Variants in LRGUK observed in about 807,000 individuals in gnomAD.
The protein encoded by LRGUK is leucine-rich repeat and guanylate kinase domain-containing protein.
Under a neutral mutation model 76.0 loss-of-function variants are expected in LRGUK, and 65 were observed. The observed-to-expected ratio is 0.85, with a 90% CI of 0.70 to 1.05. The LOEUF is 1.05. Among genes scored for constraint, LRGUK ranks in the 50% least tolerant of loss-of-function variants. The pLI, the probability that LRGUK is intolerant of heterozygous loss-of-function variation, is 0.00. For missense variants in LRGUK, 758 were observed against 732.8 expected (o/e 1.03, Z -0.40); for synonymous variants, 268 against 265.6 (o/e 1.01, Z -0.09).
chr7:134,262,492 T>C (rs1441209534), intron 19 of LRGUK, among the ~76,000 whole-genome samples: 1 of 152,222 alleles, frequency 6.6e-6, no homozygotes, highest in African/African-American at 2.4e-5. Flanking sequence ...TATCTAAGGG[T>C]GGATACTCCA....
chr7:134,222,046 C>T, intron 16 of LRGUK, 128 bp downstream of exon 16: 3 of 888,994 alleles, frequency 3.4e-6, no homozygotes, highest in Non-Finnish European at 4.6e-6. Flanking sequence ...CAGCTGAAGA[C>T]AGGATTTTGA....
intron 18 of LRGUK, among the ~76,000 whole-genome samples, chr7:134,256,622 C>A (rs564032260): frequency 6.6e-6 from 1 of 152,272 alleles, no homozygotes; most frequent in East Asian, 1.9e-4. Flanking sequence ...CTTCAGATGT[C>A]ACAACGGTCC....
intron 2 of LRGUK, among the ~76,000 whole-genome samples, chr7:134,138,429 T>C (rs190247738): frequency 1.4e-4 from 21 of 152,292 alleles, no homozygotes; most frequent in African/African-American, 5.1e-4. Flanking sequence ...GTCTTACTTA[T>C]GTTACATGTT....
chr7:134,137,241 G>A (rs564023252), intron 2 of LRGUK, 111 bp downstream of exon 2: 19 of 737,484 alleles, frequency 2.6e-5, no homozygotes, highest in Middle Eastern at 2.7e-4. Flanking sequence ...TTGGAGCCTC[G>A]CATTTGATGG....
chr7:134,209,980 G>A (rs1801181237), exon 16 of LRGUK: 1 of 399,498 alleles, frequency 2.5e-6, no homozygotes, highest in African/African-American at 2.1e-5. Flanking sequence ...GGCCTGCAAA[G>A]GAAAGGAAAG....
chr7:134,178,954 A>G (rs1213137016), intron 10 of LRGUK, among the ~76,000 whole-genome samples: 1 of 150,086 alleles, frequency 6.7e-6, no homozygotes, highest in African/African-American at 2.5e-5. Context: ...AAAAACCAGG[A>G]CCAATTTTTC....
At chr7:134,185,897 C>T (rs1471006525) in intron 11 of LRGUK, among the ~76,000 whole-genome samples, 2 of 151,866 alleles carry the variant, frequency 1.3e-5, no homozygotes, top group Non-Finnish European at 2.9e-5. Flanking sequence ...TTTAGACACC[C>T]GAAGTAACAA....
chr7:134,149,639 TAACA>T (rs1244129481), intron 5 of LRGUK, among the ~76,000 whole-genome samples: 1 of 152,204 alleles, frequency 6.6e-6, no homozygotes, highest in African/African-American at 2.4e-5. Context: ...GATTATAGCC[TAACA>T]GAGAAATCAG....
At chr7:134,141,648 T>C (rs17167482) in intron 3 of LRGUK, 16,573 of 152,164 alleles carry the variant, frequency 0.11, 1,166 homozygotes, top group East Asian at 0.3. Flanking sequence ...TCAAGAAGGA[T>C]CTCCATTTAC....
downstream of LRGUK, among the ~76,000 whole-genome samples, chr7:134,214,142 CACAGAAGAGGAA>C: frequency 6.6e-6 from 1 of 151,866 alleles, no homozygotes; most frequent in South Asian, 2.1e-4. Flanking sequence ...TTGGGAAATT[CACAGAAGAGGAA>C]ATAAAAATGG....
At chr7:134,191,778 T>C (rs1800261601) in intron 12 of LRGUK, 27 bp downstream of exon 12, 2 of 1,454,408 alleles carry the variant, frequency 1.4e-6, no homozygotes, top group East Asian at 2.3e-5. Flanking sequence ...TTGTTTTTAT[T>C]GCACAAGAAA....
In LRGUK at chr7:134,200,075, G is replaced by T. The variant is rs193059493; in HGVS notation, c.1747+654G>T. Among the ~76,000 whole-genome samples the T allele has an allele frequency of 1.6e-3, 222 of 136,850 alleles. 1 individual carries two copies. The highest frequency in any genetic ancestry group is 5.5e-3 in the African/African-American group (202 of 36,622). The allele number at this position is 136,850 out of a possible 152,430, so 89.8% of individuals were successfully genotyped here. ...ATAGAGAGTCTCGCTCTGTCACCCA[G>T]GCTGGAGTGCAGTGGCGTGATCTTG... On this transcript the variant is annotated intron_variant, in intron 14 of 15. Coordinates refer to ENST00000645682, the Ensembl canonical transcript of LRGUK.
chr7:134,207,583 C>T (rs1363449127), intron 15 of LRGUK, among the ~76,000 whole-genome samples: 3 of 152,266 alleles, frequency 2.0e-5, no homozygotes, highest in South Asian at 2.1e-4. Context: ...GCAAAGGGTG[C>T]GTGTCCAGAC....
At chr7:134,178,415 C>T in intron 9 of LRGUK, 88 bp from the exon 10 acceptor site, 1 of 930,008 alleles carries the variant, frequency 1.1e-6, no homozygotes, top group Middle Eastern at 3.1e-4. Context: ...TGCACGTGAA[C>T]AACATTTCAT....
chr7:134,128,372 A>G (rs73454622), intron 1 of LRGUK, among the ~76,000 whole-genome samples: 3,827 of 152,196 alleles, frequency 0.025, 137 homozygotes, highest in African/African-American at 0.079. Flanking sequence ...TCCTTTCTAC[A>G]ATATCTCTTC....
chr7:134,255,110 G>A (rs896534677), intron 18 of LRGUK, among the ~76,000 whole-genome samples: 3 of 152,052 alleles, frequency 2.0e-5, no homozygotes, highest in Non-Finnish European at 4.4e-5. Context: ...CAATTGAACT[G>A]AAGTATGAAT....
At position 134,221,920 on chromosome 7, in the gene LRGUK, T is replaced by G. The variant is rs1458028840; in HGVS notation, c.1983+2T>G. The G allele has an allele frequency of 6.3e-7, 1 of 1,588,640 alleles. No individual in the cohort carries two copies. The highest frequency in any genetic ancestry group is 1.4e-5 in the African/African-American group (1 of 73,090). On this transcript the variant is annotated splice_donor_variant, in intron 16 of 19. Coordinates refer to the LRGUK transcript ENST00000285928. LOFTEE classifies it high-confidence loss of function. Reference sequence around the variant, plus strand: ...CTTTCAGCCAAAAAAACACCAGCGGTAAGAGAGGAATAGAAGGGGTGAAGC... The same window carrying G: ...CTTTCAGCCAAAAAAACACCAGCGGGAAGAGAGGAATAGAAGGGGTGAAGC...
chr7:134,210,032 A>G, exon 16 of LRGUK: 1 of 399,878 alleles, frequency 2.5e-6, no homozygotes, highest in Non-Finnish European at 4.4e-6. Flanking sequence ...GATTCCAGAC[A>G]TGCGGGCCTC....
chr7:134,268,890 C>T (rs933729758), downstream of LRGUK, among the ~76,000 whole-genome samples: 4 of 151,564 alleles, frequency 2.6e-5, no homozygotes, highest in East Asian at 1.9e-4. Flanking sequence ...CCACTGCACC[C>T]GGCTAATTTT....
Sources: allele counts gnomAD v4.1 joint callset (sites outside exome capture counted in the v4.1 genomes callset), GRCh38; gene constraint gnomAD v4.1.1; transcripts MANE v1.5; gene names NCBI Gene and HGNC (gene_info 2026-07-23, HGNC 2026-07-21).